The following MMD variants were observed in gnomAD, a reference collection of about 807,000 sequenced individuals.
MMD encodes monocyte to macrophage differentiation factor.
A neutral mutation model predicts 33.6 loss-of-function variants in MMD; 22 were observed. The observed-to-expected ratio is 0.66, with a 90% CI of 0.47 to 0.94. The LOEUF is 0.94. Among genes scored for constraint, MMD ranks in the 40% least tolerant of loss-of-function variants. The probability of loss-of-function intolerance (pLI) is 0.00; values close to 1 mark genes in which losing one functional copy is unlikely to be tolerated. For missense variants in MMD, 242 were observed against 309.8 expected (o/e 0.78, Z 1.64); for synonymous variants, 97 against 103.2 (o/e 0.94, Z 0.36).
At chr17:55,413,508 C>A (rs1030865827) in intron 2 of MMD, among the ~76,000 whole-genome samples, 1 of 151,920 alleles carries the variant, frequency 6.6e-6, no homozygotes, top group Non-Finnish European at 1.5e-5. Flanking sequence ...AAGAAATGCA[C>A]CGAAGTGTTA....
chr17:55,409,046 A>T (rs891240918), intron 3 of MMD, among the ~76,000 whole-genome samples: 1 of 152,216 alleles, frequency 6.6e-6, no homozygotes, highest in Non-Finnish European at 1.5e-5. Flanking sequence ...CCTACCGTGT[A>T]TCCACAAAAA....
At chr17:55,411,589 C>G (rs998055720) in intron 2 of MMD, among the ~76,000 whole-genome samples, 172 bp from the exon 3 acceptor site, 1 of 152,122 alleles carries the variant, frequency 6.6e-6, no homozygotes, top group Admixed American at 6.6e-5. Context: ...AGCTGCTACA[C>G]TGGAAAGCAG....
chr17:55,403,811 G>A lies in MMD; in HGVS notation c.402C>T (p.Leu134=). The change falls in exon 5 of 7, where the codon CTC becomes CTT. Residue 134 remains leucine, a synonymous_variant. Transcript: ENST00000262065. ...LASHMRWFIW[L]MAAGGTIYVF... Reference sequence around the variant, plus strand: ...CATAAATGGTTCCTCCAGCTGCCATGAGCCAGATAAACCAACGCATATGAG... The same window carrying A: ...CATAAATGGTTCCTCCAGCTGCCATAAGCCAGATAAACCAACGCATATGAG... The A allele has an allele frequency of 2.5e-6, 4 of 1,613,684 alleles. No individual in the cohort carries two copies. The highest frequency in any genetic ancestry group is 2.5e-6 in the Non-Finnish European group (3 of 1,179,820).
At chr17:55,407,331 T>C (rs1203318104) in intron 4 of MMD, among the ~76,000 whole-genome samples, 1 of 150,810 alleles carries the variant, frequency 6.6e-6, no homozygotes, top group African/African-American at 2.4e-5. Flanking sequence ...AATAAATAAA[T>C]AAATAAATAA....
At chr17:55,397,224 C>T (rs189007776) in intron 6 of MMD, among the ~76,000 whole-genome samples, 14 of 152,252 alleles carry the variant, frequency 9.2e-5, no homozygotes, top group Admixed American at 5.2e-4. Context: ...TGCAGTGGCA[C>T]GATCTTGGCT....
chr17:55,401,578 T>C lies in MMD; in HGVS notation c.447-40A>G, dbSNP rs544337288. On this transcript the variant is annotated intron_variant, in intron 5 of 6. Transcript: ENST00000262065. ...ATGCAGTTAATTTAACTTATAAATTTCTATAACACCTAACAATTTACATAC... is the reference window on the plus strand; with the variant it reads ...ATGCAGTTAATTTAACTTATAAATTCCTATAACACCTAACAATTTACATAC... 4 of 1,490,030 alleles carry C rather than the reference T, an allele frequency of 2.7e-6. No homozygotes were observed. The South Asian group carries it at 4.8e-5, about 18-fold the overall frequency. 92.3% of individuals were successfully genotyped at this position (1,490,030 alleles called of 1,614,324 possible).
At chr17:55,415,613 G>A (rs1907937843) in intron 1 of MMD, among the ~76,000 whole-genome samples, 1 of 152,202 alleles carries the variant, frequency 6.6e-6, no homozygotes, top group Admixed American at 6.5e-5. Context: ...CTTTCCCTGA[G>A]TTAGGAAGAG....
At chr17:55,412,032 G>C (rs1414337614) in intron 2 of MMD, among the ~76,000 whole-genome samples, 2 of 152,146 alleles carry the variant, frequency 1.3e-5, no homozygotes, top group East Asian at 1.9e-4. Context: ...AGCCATGATT[G>C]TACCACTGAA....
chr17:55,402,832 G>A (rs1032982981), intron 5 of MMD, among the ~76,000 whole-genome samples: 2 of 152,086 alleles, frequency 1.3e-5, no homozygotes, highest in Non-Finnish European at 2.9e-5. Context: ...TGGTCAAAAA[G>A]GTATTTAAGT....
chr17:55,414,265 A>C (rs1327318973), intron 1 of MMD, 33 bp from the exon 2 acceptor site: 1 of 1,600,492 alleles, frequency 6.2e-7, no homozygotes, highest in Non-Finnish European at 8.6e-7. Context: ...TGTAAGAAAA[A>C]CTCAAAGTGT....
At chr17:55,397,522 T>C (rs1338761475) in intron 6 of MMD, among the ~76,000 whole-genome samples, 2 of 151,484 alleles carry the variant, frequency 1.3e-5, no homozygotes, top group Non-Finnish European at 2.9e-5. Context: ...TTTATTTATT[T>C]ATTTTATTTT....
chr17:55,403,722 G>T, intron 5 of MMD, 45 bp downstream of exon 5: 1 of 1,414,098 alleles, frequency 7.1e-7, no homozygotes, highest in Non-Finnish European at 9.9e-7. Context: ...ATAATATTTA[G>T]GCAGTCAATT....
At chr17:55,400,177 G>GA (rs570627543) in intron 6 of MMD, among the ~76,000 whole-genome samples, 191 of 152,238 alleles carry the variant, frequency 1.3e-3, no homozygotes, top group African/African-American at 4.5e-3. Flanking sequence ...GACATCCCCT[G>GA]AAAAAACAGA....
intron 1 of MMD, among the ~76,000 whole-genome samples, chr17:55,417,627 C>T (rs1908019738): frequency 2.6e-5 from 4 of 152,002 alleles, no homozygotes; most frequent in Admixed American, 2.6e-4. Context: ...CCCATCTCTA[C>T]ACACAAAAAA....
At chr17:55,397,532 T>G (rs1003233352) in intron 6 of MMD, among the ~76,000 whole-genome samples, 5 of 151,902 alleles carry the variant, frequency 3.3e-5, no homozygotes, top group African/African-American at 1.2e-4. Context: ...TATTTTATTT[T>G]ATTTATTTTT....
chr17:55,411,589 C>T (rs998055720), intron 2 of MMD, among the ~76,000 whole-genome samples, 172 bp from the exon 3 acceptor site: 2 of 152,122 alleles, frequency 1.3e-5, no homozygotes, highest in Non-Finnish European at 2.9e-5. Flanking sequence ...AGCTGCTACA[C>T]TGGAAAGCAG....
At chr17:55,402,100 A>G (rs188054564) in intron 5 of MMD, among the ~76,000 whole-genome samples, 3,275 of 151,368 alleles carry the variant, frequency 0.022, 53 homozygotes, top group Non-Finnish European at 0.031. Context: ...AAAAAAAAAA[A>G]AAAAGAAAAG....
chr17:55,421,805 G>C lies in MMD; in HGVS notation c.-110C>G. Reference sequence around the variant, plus strand: ...GCTCCGGAGGCCGCCTGCGTGTCCAGCGGAACCCTTCGGCCGGGTAGGGTC... The same window carrying C: ...GCTCCGGAGGCCGCCTGCGTGTCCACCGGAACCCTTCGGCCGGGTAGGGTC... On this transcript the variant is annotated 5_prime_UTR_variant, in exon 1 of 7. Coordinates refer to ENST00000262065, the MANE Select transcript of MMD (RefSeq NM_012329.3). 7.7e-7 allele frequency: 1 copy of C among 1,303,444 alleles called. No homozygotes were observed. The highest frequency in any genetic ancestry group is 1.5e-5 in the South Asian group (1 of 67,102). 80.7% of individuals were successfully genotyped at this position (1,303,444 alleles called of 1,614,324 possible). A position where few individuals can be genotyped will look rare whatever the true frequency, so the allele number is the denominator to read the frequency against.
chr17:55,416,858 G>A (rs967246994), intron 1 of MMD, among the ~76,000 whole-genome samples: 1 of 152,136 alleles, frequency 6.6e-6, no homozygotes, highest in Non-Finnish European at 1.5e-5. Context: ...TTGAAGGAAG[G>A]TGATTCAGTC....
Sources: gnomAD v4.1 joint callset for allele counts (sites outside exome capture counted in the v4.1 genomes callset) on GRCh38, gnomAD v4.1.1 for gene constraint, MANE v1.5 for transcripts, NCBI Gene and HGNC (gene_info 2026-07-23, HGNC 2026-07-21) for gene names.